The following INO80 variants were observed in gnomAD, a reference collection of about 807,000 sequenced individuals.
INO80 encodes INO80 complex ATPase subunit, also known as chromatin-remodeling ATPase INO80.
A neutral mutation model predicts 203.4 loss-of-function variants in INO80; 20 were observed. That is an observed-to-expected ratio of 0.10 (90% CI 0.07 to 0.14). INO80 has a LOEUF of 0.14. INO80 is among the 10% of genes least tolerant of loss of function. INO80 has a pLI of 1.00. For synonymous variants in INO80, 726 were observed against 685.2 expected (o/e 1.06, Z -0.93); for missense variants, 1,419 against 1,914.4 (o/e 0.74, Z 4.83).
At chr15:41,074,646 G>A in intron 9 of INO80, 81 bp from the exon 10 acceptor site, 1 of 888,200 alleles carries the variant, frequency 1.1e-6, no homozygotes, top group South Asian at 1.9e-5. Context: ...ACTTATATTT[G>A]CATACAATTC....
chr15:41,093,406 C>T (rs2045674425), intron 4 of INO80, among the ~76,000 whole-genome samples: 1 of 151,016 alleles, frequency 6.6e-6, no homozygotes, highest in Non-Finnish European at 1.5e-5. Context: ...GCCTGGGCGA[C>T]AGAGCAAGAC....
chr15:41,077,288 A>G (rs1226746589), intron 9 of INO80, among the ~76,000 whole-genome samples: 2 of 150,790 alleles, frequency 1.3e-5, no homozygotes, highest in Non-Finnish European at 2.9e-5. Flanking sequence ...TCATAACAAA[A>G]TTCATAAAAT....
In INO80 at chr15:41,005,595, G is replaced by A. The variant is rs2044029407; in HGVS notation, c.3495C>T (p.Asn1165=). 1 of 1,554,030 alleles carries A rather than the reference G, an allele frequency of 6.4e-7. No homozygotes were observed. Among genetic ancestry groups the A allele is most frequent in the South Asian group, 1.1e-5 (1 of 89,150 alleles). ...ERRDMVADFQ[N]RNDIFVFLLS... ...TTTGTAATTCCCATGAACATTACCT[G>A]TTCTGAAAATCAGCAACCATGTCTC... Residue 1165 remains asparagine, a splice_region_variant and synonymous_variant, in exon 28 of 36, where the codon AAC becomes AAT. Coordinates refer to ENST00000648947, the MANE Select transcript of INO80 (RefSeq NM_017553.3).
intron 14 of INO80, among the ~76,000 whole-genome samples, chr15:41,062,477 G>A (rs1179825173): frequency 4.6e-5 from 7 of 152,132 alleles, no homozygotes; most frequent in African/African-American, 1.7e-4. Flanking sequence ...AGGTTGCAGT[G>A]AGTGGAGATC....
Position 41,032,501 on chromosome 15 carries a change from T to C in INO80, c.2908-4765A>G, listed in dbSNP as rs1189210971. 2.0e-5 allele frequency among the ~76,000 whole-genome samples: 3 copies of C among 152,318 alleles called. No homozygotes were observed. The East Asian group carries it at 5.8e-4, about 29-fold the overall frequency. On this transcript the variant is annotated intron_variant, in intron 24 of 35. Coordinates refer to ENST00000648947, the MANE Select transcript of INO80 (RefSeq NM_017553.3). ...GAAATGATGATATAGATACAGGTACTGTAGCTGAAAACTAACATTTAGTGG... is the reference window on the plus strand; with the variant it reads ...GAAATGATGATATAGATACAGGTACCGTAGCTGAAAACTAACATTTAGTGG...
intron 27 of INO80, among the ~76,000 whole-genome samples, chr15:41,009,315 C>G (rs1399395037): frequency 6.6e-6 from 1 of 150,502 alleles, no homozygotes; most frequent in Non-Finnish European, 1.5e-5. Context: ...ATGTGCCATG[C>G]TGGTGCACTG....
chr15:41,031,531 GA>G (rs1566918976), intron 24 of INO80, among the ~76,000 whole-genome samples: 2 of 17,200 alleles, frequency 1.2e-4, no homozygotes, highest in African/African-American at 1.6e-4. Flanking sequence ...GGAGGAAGGA[GA>G]AGGGAGGAAG....
intron 1 of INO80, among the ~76,000 whole-genome samples, chr15:41,114,708 CAA>C (rs760373123): frequency 2.3e-4 from 15 of 65,840 alleles, no homozygotes; most frequent in South Asian, 5.3e-4. Flanking sequence ...GACTCAGTCT[CAA>C]AAAAAAAAAA....
chr15:40,990,822 A>G (rs543453012), intron 29 of INO80, among the ~76,000 whole-genome samples: 2 of 152,360 alleles, frequency 1.3e-5, no homozygotes, highest in East Asian at 3.9e-4. Flanking sequence ...CAGTTGGACT[A>G]GAGGATAACA....
intron 1 of INO80, among the ~76,000 whole-genome samples, chr15:41,113,413 C>T (rs1447618402): frequency 1.3e-5 from 2 of 151,886 alleles, no homozygotes; most frequent in Admixed American, 1.3e-4. Flanking sequence ...ATTACAGGTG[C>T]GCGCCACCAC....
rs2045417253 is a variant in INO80, at chr15:41,077,211, T to C, written c.1131+2490A>G. The stretch of plus-strand genomic sequence containing the variant: ...CGTGAGCCACCGCGCCCAGCCTTGT[T>C]TGCTTTATTTTTTTTTTTTTCCAAA... On this transcript the variant is annotated intron_variant, in intron 9 of 35. Coordinates refer to ENST00000648947, the MANE Select transcript of INO80 (RefSeq NM_017553.3). Among the ~76,000 whole-genome samples the C allele has an allele frequency of 2.5e-5, 3 of 120,044 alleles. No homozygotes were observed. In the South Asian group the frequency reaches 7.9e-4, roughly 32 times the overall value. 78.8% of individuals were successfully genotyped at this position (120,044 alleles called of 152,430 possible).
Position 41,050,842 on chromosome 15 carries a change from C to T in INO80, c.2275-740G>A, listed in dbSNP as rs183335535. On this transcript the variant is annotated intron_variant, in intron 19 of 35. Coordinates refer to ENST00000648947, the MANE Select transcript of INO80 (RefSeq NM_017553.3). ...CTTCTCATCTCAGCAAAGAAAGCCT[C>T]CAATAATCAGGCCGGACGCAGTGGC... Among the ~76,000 whole-genome samples the T allele has an allele frequency of 6.6e-5, 10 of 152,190 alleles. No individual in the cohort carries two copies. In the East Asian group the frequency reaches 1.9e-3, roughly 29 times the overall value.
At position 40,984,261 on chromosome 15, in the gene INO80, A is replaced by G. The variant is rs1893939574; in HGVS notation, c.4013T>C (p.Leu1338Pro). 6.2e-7 allele frequency: 1 copy of G among 1,614,018 alleles called. No homozygotes were observed. Among genetic ancestry groups the G allele is most frequent in the African/African-American group, 1.3e-5 (1 of 75,004 alleles). ...GAAGGAGTCATCTCCGTCAGCAGAG[A>G]GGTTGGAGTTATCAGCCGAGGGAAC... is the stretch of plus-strand genomic sequence containing the variant. ...PFVPSADNSN[L>P]SADGDDSFIS... The change falls in exon 33 of 36, where the codon CTC becomes CCC. Residue 1338 changes from leucine to proline, a missense_variant. Leu to Pro is a moderately conservative substitution (Grantham distance 98, BLOSUM62 -3). Coordinates refer to ENST00000648947, the MANE Select transcript of INO80 (RefSeq NM_017553.3).
chr15:41,108,406 C>A (rs1040494973), intron 1 of INO80, among the ~76,000 whole-genome samples: 11 of 151,496 alleles, frequency 7.3e-5, no homozygotes, highest in African/African-American at 2.7e-4. Context: ...TGGCTAACAC[C>A]AGTAGAAACC....
chr15:41,107,731 CAG>C lies in INO80; in HGVS notation c.-44+8240_-44+8241del, dbSNP rs544259835. On this transcript the variant is annotated intron_variant, in intron 1 of 35. Transcript: ENST00000648947. ...AGGAGAATTGCTTGAGCCTGGGAAA[CAG>C]AGGTGGCAGTGAGCTGAGACCATGC... is the stretch of plus-strand genomic sequence containing the variant. Among the ~76,000 whole-genome samples the C allele has an allele frequency of 2.3e-3, 348 of 152,140 alleles. 3 individuals carry two copies. Among genetic ancestry groups the C allele is most frequent in the African/African-American group, 8.0e-3 (333 of 41,506 alleles).
chr15:41,054,401 G>C (rs1482834564), intron 18 of INO80, among the ~76,000 whole-genome samples: 1 of 152,144 alleles, frequency 6.6e-6, no homozygotes, highest in Non-Finnish European at 1.5e-5. Flanking sequence ...TTTTCTAATA[G>C]TGAGCAAGCT....
intron 1 of INO80, among the ~76,000 whole-genome samples, chr15:41,103,165 T>C (rs958403400): frequency 2.6e-5 from 4 of 152,324 alleles, no homozygotes; most frequent in African/African-American, 9.6e-5. Context: ...TTACACCCCC[T>C]TCTACTTCTC....
intron 16 of INO80, 73 bp downstream of exon 16, chr15:41,058,566 T>TGC (rs2045040609): frequency 2.0e-6 from 2 of 984,828 alleles, no homozygotes; most frequent in African/African-American, 2.4e-5. Flanking sequence ...TGTGTGTGTG[T>TGC]GTGCGTGTGT....
At position 41,027,705 on chromosome 15, in the gene INO80, A is replaced by C; in HGVS notation, c.2939T>G (p.Val980Gly). Residue 980 changes from valine (V) to glycine (G), a missense_variant, in exon 25 of 36, where the codon GTG (valine) becomes GGG (glycine). Coordinates refer to ENST00000648947, the MANE Select transcript of INO80 (RefSeq NM_017553.3). ...GACAACCTGGTCTGAGTAGCCACTC[A>C]CTGCTTTACAGTGGCTGCTGAAAAC... ...SLVFSSHCKA[V>G]SGYSDQVVHQ... is the part of the protein sequence containing the mutation. 6.2e-7 allele frequency: 1 copy of C among 1,609,050 alleles called. No individual in the cohort carries two copies. Among genetic ancestry groups the C allele is most frequent in the Non-Finnish European group, 8.5e-7 (1 of 1,177,260 alleles).
Sources: allele counts gnomAD v4.1 joint callset (sites outside exome capture counted in the v4.1 genomes callset), GRCh38; gene constraint gnomAD v4.1.1; transcripts MANE v1.5; gene names NCBI Gene and HGNC (gene_info 2026-07-23, HGNC 2026-07-21).